Variants in NSG1 observed in about 807,000 individuals in gnomAD.
NSG1 encodes the protein neuronal vesicle trafficking-associated protein 1.
A neutral mutation model predicts 19.3 loss-of-function variants in NSG1; 9 were observed. That is an observed-to-expected ratio of 0.47 (90% CI 0.28 to 0.81). The LOEUF is 0.81. Among genes scored for constraint, NSG1 ranks in the 40% least tolerant of loss-of-function variants. The pLI is 0.11. For missense variants in NSG1, 236 were observed against 242.4 expected (o/e 0.97, Z 0.18); for synonymous variants, 104 against 107.0 (o/e 0.97, Z 0.17).
At chr4:4,402,047 ATTTTTTTTTT>A (rs35299425) in intron 3 of NSG1, among the ~76,000 whole-genome samples, 2 of 122,328 alleles carry the variant, frequency 1.6e-5, no homozygotes, top group Non-Finnish European at 3.4e-5. Context: ...TGCCCAGCTA[ATTTTTTTTTT>A]TTTTTTTTTT....
In NSG1 at chr4:4,418,511, G is replaced by C. The variant is rs1724716123; in HGVS notation, c.*1076G>C. 6.6e-6 allele frequency: 1 copy of C among 152,616 alleles called. No individual in the cohort carries two copies. The highest frequency in any genetic ancestry group is 6.5e-5 in the Admixed American group (1 of 15,280). The allele number at this position is 152,616 out of a possible 1,614,324, so 9.5% of individuals were successfully genotyped here. ...CAATCTTTGTAAGAAAATTGTTCCA[G>C]TTTGAATCTTGATATTAAAGTTTAT... On this transcript the variant is annotated 3_prime_UTR_variant, in exon 5 of 5. Transcript: ENST00000621129.
chr4:4,404,542 G>A (rs1432957442), intron 3 of NSG1, among the ~76,000 whole-genome samples: 2 of 152,202 alleles, frequency 1.3e-5, no homozygotes, highest in Non-Finnish European at 2.9e-5. Flanking sequence ...CGTCCATCAA[G>A]TATTTTCAAA....
intron 3 of NSG1, among the ~76,000 whole-genome samples, chr4:4,405,706 G>T (rs1723815198): frequency 6.6e-6 from 1 of 152,184 alleles, no homozygotes; most frequent in South Asian, 2.1e-4. Flanking sequence ...AGCCTGTAGG[G>T]GAGCTCTTTG....
At chr4:4,410,387 G>A (rs1335423254) in intron 4 of NSG1, among the ~76,000 whole-genome samples, 1 of 152,234 alleles carries the variant, frequency 6.6e-6, no homozygotes, top group East Asian at 1.9e-4. Flanking sequence ...TTAGTGACGG[G>A]AATACGTCCT....
At chr4:4,387,942 G>A (rs904588415) in intron 2 of NSG1, among the ~76,000 whole-genome samples, 184 bp downstream of exon 2, 1 of 150,560 alleles carries the variant, frequency 6.6e-6, no homozygotes, top group Non-Finnish European at 1.5e-5. Flanking sequence ...GATGCTGGGC[G>A]GGGGAGGGGA....
At chr4:4,391,334 C>A in intron 2 of NSG1, 141 bp from the exon 3 acceptor site, 1 of 631,424 alleles carries the variant, frequency 1.6e-6, no homozygotes, top group Non-Finnish European at 2.9e-6. Flanking sequence ...AGGAGATTTC[C>A]AAAAAGTAGT....
At chr4:4,402,554 A>AT (rs1348938753) in intron 3 of NSG1, among the ~76,000 whole-genome samples, 1 of 151,270 alleles carries the variant, frequency 6.6e-6, no homozygotes, top group South Asian at 2.1e-4. Flanking sequence ...CACCCGGCTA[A>AT]TTTTTGTATT....
intron 3 of NSG1, 56 bp from the exon 4 acceptor site, chr4:4,409,517 G>T: frequency 1.6e-6 from 2 of 1,279,592 alleles, no homozygotes; most frequent in Non-Finnish European, 2.3e-6. Context: ...GCGGGTGTGT[G>T]TGTGTCTGTC....
intron 3 of NSG1, among the ~76,000 whole-genome samples, chr4:4,399,189 C>T (rs987001836): frequency 6.6e-6 from 1 of 152,150 alleles, no homozygotes; most frequent in African/African-American, 2.4e-5. Context: ...GTCGCCGAGG[C>T]TGGAGTGCAG....
intron 4 of NSG1, among the ~76,000 whole-genome samples, chr4:4,410,540 T>C (rs1724118443): frequency 6.6e-6 from 1 of 152,244 alleles, no homozygotes; most frequent in Non-Finnish European, 1.5e-5. Context: ...AGCATGTTGC[T>C]ATACTGAACA....
chr4:4,402,623 C>T (rs1056542937), intron 3 of NSG1, among the ~76,000 whole-genome samples: 1 of 151,106 alleles, frequency 6.6e-6, no homozygotes, highest in African/African-American at 2.4e-5. Context: ...CTCCTGACCT[C>T]GTGATCCGCC....
chr4:4,395,142 G>A (rs936167390), intron 3 of NSG1, among the ~76,000 whole-genome samples: 25 of 152,228 alleles, frequency 1.6e-4, no homozygotes, highest in Admixed American at 1.6e-3. Context: ...CAACTGGGAA[G>A]GAGATTTACC....
chr4:4,407,550 T>A (rs1259250670), intron 3 of NSG1, among the ~76,000 whole-genome samples: 1 of 152,164 alleles, frequency 6.6e-6, no homozygotes, highest in Non-Finnish European at 1.5e-5. Context: ...GACAGGAATC[T>A]GACTGCAGAG....
intron 4 of NSG1, among the ~76,000 whole-genome samples, chr4:4,416,334 A>C (rs1364328970): frequency 3.3e-5 from 5 of 152,188 alleles, no homozygotes; most frequent in African/African-American, 1.2e-4. Context: ...TTCTCTTTTG[A>C]AAATAGCTCT....
intron 3 of NSG1, among the ~76,000 whole-genome samples, chr4:4,396,388 C>G (rs1723250404): frequency 6.6e-6 from 1 of 152,214 alleles, no homozygotes. Context: ...TCTCCACACC[C>G]TGTTTGCCTG....
At chr4:4,395,281 G>A (rs144651888) in intron 3 of NSG1, among the ~76,000 whole-genome samples, 1 of 152,202 alleles carries the variant, frequency 6.6e-6, no homozygotes, top group Non-Finnish European at 1.5e-5. Context: ...ACCCTGAACC[G>A]CAGGGAGATG....
intron 3 of NSG1, among the ~76,000 whole-genome samples, chr4:4,402,724 T>C (rs964657946): frequency 1.3e-5 from 2 of 152,090 alleles, no homozygotes; most frequent in African/African-American, 2.4e-5. Context: ...CTTGAACAGG[T>C]TCATGGGTTC....
intron 2 of NSG1, among the ~76,000 whole-genome samples, chr4:4,388,917 G>GC (rs1289611950): frequency 6.6e-6 from 1 of 152,212 alleles, no homozygotes; most frequent in East Asian, 1.9e-4. Flanking sequence ...CCACGGTGGT[G>GC]CCACTCTGGG....
chr4:4,405,065 T>C (rs1362544238), intron 3 of NSG1, among the ~76,000 whole-genome samples: 1 of 151,998 alleles, frequency 6.6e-6, no homozygotes, highest in Admixed American at 6.6e-5. Context: ...CAACAGAAAT[T>C]TACTCCCCCA....
Sources: gnomAD v4.1 joint callset for allele counts (sites outside exome capture counted in the v4.1 genomes callset) on GRCh38, gnomAD v4.1.1 for gene constraint, MANE v1.5 for transcripts, NCBI Gene and HGNC (gene_info 2026-07-23, HGNC 2026-07-21) for gene names.